Variants in PRKAG2 observed in about 807,000 individuals in gnomAD.
PRKAG2 encodes 5'-AMP-activated protein kinase subunit gamma-2.
In PRKAG2, 26 loss-of-function variants were observed where a neutral mutation model predicts 69.6. The ratio of observed to expected loss-of-function variants is 0.37; its 90% CI spans 0.27 to 0.52. PRKAG2 has a LOEUF of 0.52. Among genes scored for constraint, PRKAG2 ranks in the 20% least tolerant of loss-of-function variants. PRKAG2 has a pLI of 0.90. For missense variants in PRKAG2, 557 were observed against 740.0 expected (o/e 0.75, Z 2.87); for synonymous variants, 293 against 285.0 (o/e 1.03, Z -0.28).
At chr7:151,658,090 G>A (rs1303549411) in intron 4 of PRKAG2, among the ~76,000 whole-genome samples, 9 of 150,354 alleles carry the variant, frequency 6.0e-5, no homozygotes, top group South Asian at 4.2e-4. Context: ...CCCGGGAGGC[G>A]GAGATTGCAG....
intron 5 of PRKAG2, among the ~76,000 whole-genome samples, chr7:151,624,517 T>C (rs1406073774): frequency 4.6e-5 from 7 of 152,254 alleles, no homozygotes; most frequent in Admixed American, 2.0e-4. Context: ...ACTAGTTCCC[T>C]TCCCCCAAAA....
In PRKAG2 at chr7:151,850,096, G is replaced by A. The variant is rs1405269870; in HGVS notation, c.114+26411C>T. On this transcript the variant is annotated intron_variant, in intron 1 of 15. Transcript: ENST00000287878. The surrounding 1 kb of genome is among the most constrained non-coding windows in gnomAD (Gnocchi z 4.1). ...ACCAGGGAGGCTGAGAACCCACACC[G>A]CCTAAACCGAGGGGCCGTGCACACA... is the stretch of plus-strand genomic sequence containing the variant. 1.3e-5 allele frequency among the ~76,000 whole-genome samples: 2 copies of A among 152,150 alleles called. No individual in the cohort carries two copies. The highest frequency in any genetic ancestry group is 2.9e-5 in the Non-Finnish European group (2 of 68,028).
intron 1 of PRKAG2, among the ~76,000 whole-genome samples, chr7:151,852,516 C>T (rs1160581287): frequency 1.3e-5 from 2 of 152,020 alleles, no homozygotes; most frequent in African/African-American, 2.4e-5. Context: ...GTAAACCCTA[C>T]GAGGGCAGCA....
intron 1 of PRKAG2, among the ~76,000 whole-genome samples, chr7:151,794,210 C>T (rs2077385999): frequency 6.6e-6 from 1 of 152,154 alleles, no homozygotes; most frequent in Non-Finnish European, 1.5e-5. Flanking sequence ...TTCCCAGTTC[C>T]TCGTCTGGCC....
chr7:151,613,274 A>C (rs1819301509), intron 5 of PRKAG2, among the ~76,000 whole-genome samples: 1 of 152,220 alleles, frequency 6.6e-6, no homozygotes, highest in Non-Finnish European at 1.5e-5. Context: ...CAACAGTGAT[A>C]TACACAGGTT....
chr7:151,865,231 T>C (rs2080033596), intron 1 of PRKAG2, among the ~76,000 whole-genome samples: 1 of 152,180 alleles, frequency 6.6e-6, no homozygotes, highest in Admixed American at 6.5e-5. Flanking sequence ...GACGGCCTGC[T>C]GGACACACGG....
chr7:151,809,601 G>A (rs560762566), intron 1 of PRKAG2: 8 of 192,320 alleles, frequency 4.2e-5, no homozygotes, highest in East Asian at 3.3e-4. Flanking sequence ...AATGGTCACC[G>A]GGCTGCCTGA....
intron 3 of PRKAG2, among the ~76,000 whole-genome samples, chr7:151,759,612 T>C (rs995910071): frequency 6.6e-6 from 1 of 152,316 alleles, no homozygotes; most frequent in East Asian, 1.9e-4. Context: ...GGAGGCGCAT[T>C]TGAAGGTGAA....
At chr7:151,820,503 C>CAACT (rs1563728081) in intron 1 of PRKAG2, among the ~76,000 whole-genome samples, 22 of 93,290 alleles carry the variant, frequency 2.4e-4, no homozygotes, top group East Asian at 1.4e-3. Context: ...GCTCCGTGGC[C>CAACT]TGGCCCCTGT....
chr7:151,759,975 C>T (rs2075320235), intron 3 of PRKAG2, among the ~76,000 whole-genome samples: 1 of 152,248 alleles, frequency 6.6e-6, no homozygotes, highest in Admixed American at 6.5e-5. Context: ...GGCTGAGCGG[C>T]TGTCCCAAGA....
At chr7:151,694,080 GC>G (rs1476111889) in intron 3 of PRKAG2, among the ~76,000 whole-genome samples, 1 of 152,082 alleles carries the variant, frequency 6.6e-6, no homozygotes, top group Non-Finnish European at 1.5e-5. Context: ...TACCATGTTG[GC>G]CAGGCTGGTC....
intron 3 of PRKAG2, among the ~76,000 whole-genome samples, chr7:151,725,691 C>T (rs1466917355): frequency 6.6e-6 from 1 of 152,040 alleles, no homozygotes; most frequent in South Asian, 2.1e-4. Flanking sequence ...TATATACAGA[C>T]AGTTCATACC....
At position 151,715,322 on chromosome 7, in the gene PRKAG2, C is replaced by CAA. The variant is rs34971340; in HGVS notation, c.467-39687_467-39686dup. Among the ~76,000 whole-genome samples the CAA allele has an allele frequency of 9.6e-3, 600 of 62,440 alleles. 51 individuals carry two copies. Among genetic ancestry groups the CAA allele is most frequent in the African/African-American group, 0.037 (520 of 14,042 alleles). 41.0% of individuals were successfully genotyped at this position (62,440 alleles called of 152,430 possible). On this transcript the variant is annotated intron_variant, in intron 3 of 15. Transcript: ENST00000287878. ...TGAGCCACTGCACCTGGCCTAAAAG[C>CAA]AAAAAAAAAAAAAAAAAAAAAAAAA...
chr7:151,561,288 T>C (rs992965390), intron 14 of PRKAG2, among the ~76,000 whole-genome samples: 3 of 152,242 alleles, frequency 2.0e-5, no homozygotes, highest in Non-Finnish European at 4.4e-5. Flanking sequence ...CTATCATACA[T>C]TGTTAAACAT....
intron 2 of PRKAG2, among the ~76,000 whole-genome samples, chr7:151,783,346 T>G (rs567766029): frequency 6.6e-6 from 1 of 152,228 alleles, no homozygotes; most frequent in Non-Finnish European, 1.5e-5. Flanking sequence ...TGTAGTTCTG[T>G]TTTTTGTTTT....
chr7:151,827,768 A>AAAAAAC (rs1304080081), intron 1 of PRKAG2, among the ~76,000 whole-genome samples: 4 of 150,276 alleles, frequency 2.7e-5, no homozygotes, highest in Admixed American at 6.6e-5. Context: ...AAAAAAAAAA[A>AAAAAAC]AAAAAACTGC....
chr7:151,724,401 G>A (rs564134094), intron 3 of PRKAG2, among the ~76,000 whole-genome samples: 1 of 152,232 alleles, frequency 6.6e-6, no homozygotes, highest in South Asian at 2.1e-4. Context: ...GAGTCTGTCG[G>A]CCCTGCTGTC....
intron 3 of PRKAG2, among the ~76,000 whole-genome samples, chr7:151,747,665 T>C (rs117922316): frequency 1.0e-3 from 156 of 152,314 alleles, no homozygotes; most frequent in Non-Finnish European, 2.0e-3. Context: ...GTTCCAGATA[T>C]CTAGAAAGTT....
intron 1 of PRKAG2, among the ~76,000 whole-genome samples, chr7:151,831,295 T>C (rs200854308): frequency 1.3e-5 from 2 of 152,312 alleles, no homozygotes; most frequent in East Asian, 3.9e-4. Context: ...CAAATGTTTA[T>C]AGCAACATTA....
Sources: allele counts gnomAD v4.1 joint callset (sites outside exome capture counted in the v4.1 genomes callset), GRCh38; gene constraint gnomAD v4.1.1; non-coding constraint Gnocchi (gnomAD v3.1); transcripts MANE v1.5; gene names NCBI Gene and HGNC (gene_info 2026-07-23, HGNC 2026-07-21).